CDS2: variants seen among roughly 807,000 people sequenced by gnomAD.
CDS2 encodes the protein phosphatidate cytidylyltransferase 2.
A neutral mutation model predicts 59.0 loss-of-function variants in CDS2; 47 were observed. That is an observed-to-expected ratio of 0.80 (90% CI 0.63 to 1.02). The LOEUF is 1.02. CDS2 is among the 50% of genes least tolerant of loss of function. The pLI is 0.00. For missense variants in CDS2, 356 were observed against 558.9 expected (o/e 0.64, Z 3.66); for synonymous variants, 207 against 206.4 (o/e 1.00, Z -0.02).
intron 1 of CDS2, among the ~76,000 whole-genome samples, chr20:5,147,947 T>TTTGTTG (rs984914787): frequency 6.6e-6 from 1 of 152,114 alleles, no homozygotes; most frequent in Non-Finnish European, 1.5e-5. Flanking sequence ...ATTGTTTTTT[T>TTTGTTG]TTGTTGTTGT....
At chr20:5,132,992 A>G (rs2090619716) in intron 1 of CDS2, among the ~76,000 whole-genome samples, 1 of 150,242 alleles carries the variant, frequency 6.7e-6, no homozygotes, top group African/African-American at 2.5e-5. Context: ...CTAAGACGGC[A>G]AAACCCCTTC....
chr20:5,163,012 C>G (rs2090886380), intron 1 of CDS2, among the ~76,000 whole-genome samples: 1 of 152,094 alleles, frequency 6.6e-6, no homozygotes, highest in South Asian at 2.1e-4. Context: ...ATACTGAGGC[C>G]ACATTGACTT....
chr20:5,181,626 C>T (rs1266968931), intron 5 of CDS2, among the ~76,000 whole-genome samples: 1 of 152,148 alleles, frequency 6.6e-6, no homozygotes, highest in Non-Finnish European at 1.5e-5. Context: ...CATCGTTTAA[C>T]CATGGGCTAT....
At chr20:5,172,144 T>C (rs12625556) in intron 1 of CDS2, among the ~76,000 whole-genome samples, 3,948 of 152,274 alleles carry the variant, frequency 0.026, 76 homozygotes, top group East Asian at 0.08. Flanking sequence ...TTAGTAAGTG[T>C]TTTGCTGTGT....
chr20:5,131,620 T>C (rs1358634878), intron 1 of CDS2, among the ~76,000 whole-genome samples: 1 of 152,258 alleles, frequency 6.6e-6, no homozygotes, highest in Non-Finnish European at 1.5e-5. Context: ...CCTTTCTAGA[T>C]AGATGAAACC....
chr20:5,183,224 C>G (rs2091043909), intron 7 of CDS2, 81 bp downstream of exon 7: 4 of 1,183,558 alleles, frequency 3.4e-6, no homozygotes, highest in Non-Finnish European at 5.0e-6. Context: ...GCCAGTGGCC[C>G]TCACCTTGAG....
intron 1 of CDS2, among the ~76,000 whole-genome samples, chr20:5,145,249 C>CG (rs1482240208): frequency 3.9e-4 from 48 of 122,164 alleles, no homozygotes; most frequent in African/African-American, 1.4e-3. Flanking sequence ...CCCCCCCCCG[C>CG]CCCCGCCACC....
intron 3 of CDS2, 186 bp from the exon 4 acceptor site, chr20:5,176,462 G>A (rs2123046247): frequency 1.7e-6 from 1 of 574,958 alleles, no homozygotes; most frequent in East Asian, 2.8e-5. Context: ...TCTACTCCCT[G>A]TGACATAGAG....
At chr20:5,162,799 A>T (rs924496383) in intron 1 of CDS2, among the ~76,000 whole-genome samples, 1 of 152,186 alleles carries the variant, frequency 6.6e-6, no homozygotes, top group African/African-American at 2.4e-5. Flanking sequence ...GCAGCCAGTC[A>T]GGTAGAGTGA....
At position 5,133,219 on chromosome 20, in the gene CDS2, C is replaced by G. The variant is rs139348080; in HGVS notation, c.57+6070C>G. Among the ~76,000 whole-genome samples, 6 of 152,262 alleles carry G rather than the reference C, an allele frequency of 3.9e-5. No individual in the cohort carries two copies. In the East Asian group the frequency reaches 7.7e-4, roughly 20 times the overall value. On this transcript the variant is annotated intron_variant, in intron 1 of 12. Coordinates refer to ENST00000460006, the MANE Select transcript of CDS2 (RefSeq NM_003818.4). Reference sequence around the variant, plus strand: ...CATCTTTAAAAAATGTTAAATTGCTCTCCTTGGTTGTTAGGACTAGAAGGG... The same window carrying G: ...CATCTTTAAAAAATGTTAAATTGCTGTCCTTGGTTGTTAGGACTAGAAGGG...
intron 5 of CDS2, 140 bp downstream of exon 5, chr20:5,179,096 T>C: frequency 2.8e-6 from 2 of 724,450 alleles, no homozygotes; most frequent in Non-Finnish European, 4.7e-6. Flanking sequence ...GCTGATGCTC[T>C]ATGTTAAGCT....
At chr20:5,161,215 T>C (rs551531831) in intron 1 of CDS2, among the ~76,000 whole-genome samples, 9 of 152,234 alleles carry the variant, frequency 5.9e-5, no homozygotes, top group Admixed American at 2.0e-4. Flanking sequence ...CCAGTACTTG[T>C]TATTTTGGTT....
intron 1 of CDS2, among the ~76,000 whole-genome samples, chr20:5,162,337 A>C (rs1173379475): frequency 1.3e-5 from 2 of 152,202 alleles, no homozygotes; most frequent in African/African-American, 2.4e-5. Context: ...CAAATATTCC[A>C]AATTCTGAAA....
At chr20:5,169,734 T>C (rs1028067305) in intron 1 of CDS2, among the ~76,000 whole-genome samples, 19 of 152,362 alleles carry the variant, frequency 1.2e-4, no homozygotes, top group Admixed American at 1.0e-3. Flanking sequence ...TCCCACACTT[T>C]GGCAGATGGT....
chr20:5,168,581 C>G (rs2090931659), intron 1 of CDS2: 1 of 518,056 alleles, frequency 1.9e-6, no homozygotes. Context: ...CTTTGGGTGT[C>G]AGAGTCTTGA....
At chr20:5,176,562 G>A in intron 3 of CDS2, 86 bp from the exon 4 acceptor site, 1 of 1,031,954 alleles carries the variant, frequency 9.7e-7, no homozygotes, top group Non-Finnish European at 1.5e-6. Context: ...AGTATAATGG[G>A]TTTTCTGGAA....
rs1390363005 is a variant in CDS2 at position 5,127,129 on chromosome 20, G to A, written c.37G>A (p.Val13Ile). The change falls in exon 1 of 13, where the codon GTT becomes ATT. Residue 13 changes from valine (V) to isoleucine (I), a missense_variant. By Grantham distance (29) the Val-to-Ile change is conservative. Transcript: ENST00000460006. ...GAGGCAGAGGGTGGCCCATGAGCCGGTTGCGCCACCCGAGGACAAGGTAGC... is the reference window on the plus strand; with the variant it reads ...GAGGCAGAGGGTGGCCCATGAGCCGATTGCGCCACCCGAGGACAAGGTAGC... Reference protein sequence around the residue: ...ELRQRVAHEPVAPPEDKESES... With the variant: ...ELRQRVAHEPIAPPEDKESES... The A allele has an allele frequency of 2.7e-6, 4 of 1,496,772 alleles. No individual in the cohort carries two copies. The highest frequency in any genetic ancestry group is 3.6e-6 in the Non-Finnish European group (4 of 1,122,174). The allele number at this position is 1,496,772 out of a possible 1,614,324, so 92.7% of individuals were successfully genotyped here.
chr20:5,187,092 T>G, intron 10 of CDS2: 2 of 275,480 alleles, frequency 7.3e-6, no homozygotes, highest in Admixed American at 4.2e-5. Flanking sequence ...ATCCTTTTAG[T>G]TGCGGGGGTA....
intron 10 of CDS2, 94 bp downstream of exon 10, chr20:5,186,933 T>G: frequency 1.0e-3 from 1,208 of 1,153,576 alleles, no homozygotes; most frequent in Non-Finnish European, 1.3e-3. Context: ...AAAAGCTAGC[T>G]TCCTCCTTCC....
Sources: allele counts gnomAD v4.1 joint callset (sites outside exome capture counted in the v4.1 genomes callset), GRCh38; gene constraint gnomAD v4.1.1; transcripts MANE v1.5; gene names NCBI Gene and HGNC (gene_info 2026-07-23, HGNC 2026-07-21).